SERPINA1: variants seen among roughly 807,000 people sequenced by gnomAD.
SERPINA1 encodes the protein alpha-1-antitrypsin.
In SERPINA1, 21 loss-of-function variants were observed where a neutral mutation model predicts 25.4. The ratio of observed to expected loss-of-function variants is 0.83; its 90% confidence interval spans 0.59 to 1.19. The LOEUF is 1.19. Among genes scored for constraint, SERPINA1 ranks in the 50% most tolerant of loss-of-function variants. The probability of loss-of-function intolerance (pLI) is 0.00; values close to 1 mark genes in which losing one functional copy is unlikely to be tolerated. For synonymous variants in SERPINA1, 218 were observed against 211.1 expected, an observed-to-expected ratio of 1.03 and a Z score of -0.29; for missense variants, 546 against 509.0, an observed-to-expected ratio of 1.07 and a Z score of -0.70.
intron 4 of SERPINA1, 88 bp from the exon 5 acceptor site, chr14:94,378,728 C>G (rs1034403745): frequency 6.8e-7 from 1 of 1,461,158 alleles, no homozygotes; most frequent in East Asian, 2.4e-5. Flanking sequence ...GAAGCGCTCA[C>G]TCCCCCTGGA....
rs147905225 is a variant in SERPINA1 at position 94,377,969 on chromosome 14, C to T, written c.*480G>A. On this transcript the variant is annotated 3_prime_UTR_variant, in exon 5 of 5. Coordinates refer to ENST00000393087, the MANE Select transcript of SERPINA1 (RefSeq NM_000295.5). ...CGGCACGATCAGGCAGTTCTGGGGC[C>T]CCCAGGAGGGCAGCCTTGGGGTGGG... The T allele has an allele frequency of 5.8e-4, 107 of 185,730 alleles. No homozygotes were observed. The highest frequency in any genetic ancestry group is 2.4e-3 in the African/African-American group (104 of 42,608). 11.5% of individuals were successfully genotyped at this position (185,730 alleles called of 1,614,324 possible). A position where few individuals can be genotyped will look rare whatever the true frequency, so the allele number is the denominator to read the frequency against.
intron 2 of SERPINA1, 33 bp downstream of exon 2, chr14:94,382,559 T>C: frequency 1.2e-6 from 2 of 1,614,140 alleles, no homozygotes. Flanking sequence ...CTTGTTTCTA[T>C]GGGAACAGCT....
Position 94,378,308 on chromosome 14 carries a change from C to T in SERPINA1, c.*141G>A. On this transcript the variant is annotated 3_prime_UTR_variant, in exon 5 of 5. Transcript: ENST00000393087. ...CTGTTACCTGGAGCCCACATACAGC[C>T]TCAGCAGGCAAAGGGAGACTCAGAG... 1.3e-6 allele frequency: 1 copy of T among 746,312 alleles called. No individual in the cohort carries two copies. Among genetic ancestry groups the T allele is most frequent in the South Asian group, 1.7e-5 (1 of 59,258 alleles). The allele number at this position is 746,312 out of a possible 1,614,324, so 46.2% of individuals were successfully genotyped here. A position where few individuals can be genotyped will look rare whatever the true frequency, so the allele number is the denominator to read the frequency against.
intron 4 of SERPINA1, chr14:94,379,233 G>C (rs1455885515): frequency 4.8e-6 from 3 of 623,740 alleles, no homozygotes; most frequent in African/African-American, 1.8e-5. Flanking sequence ...CAGGGTCAGT[G>C]ACACAACCTC....
chr14:94,383,277 C>T (rs1897093009), intron 1 of SERPINA1, 36 bp from the exon 2 acceptor site: 2 of 1,596,266 alleles, frequency 1.3e-6, no homozygotes, highest in Non-Finnish European at 1.7e-6. Context: ...GGCCCCGAGT[C>T]AAGGCACATG....
In SERPINA1 at chr14:94,378,276, G is replaced by C. The variant is rs1896506977; in HGVS notation, c.*173C>G. 1.6e-6 allele frequency: 1 copy of C among 644,866 alleles called. No individual in the cohort carries two copies. The highest frequency in any genetic ancestry group is 2.7e-5 in the East Asian group (1 of 37,012). 39.9% of individuals were successfully genotyped at this position (644,866 alleles called of 1,614,324 possible). A position where few individuals can be genotyped will look rare whatever the true frequency, so the allele number is the denominator to read the frequency against. On this transcript the variant is annotated 3_prime_UTR_variant, in exon 5 of 5. Coordinates refer to ENST00000393087, the MANE Select transcript of SERPINA1 (RefSeq NM_000295.5). The stretch of plus-strand genomic sequence containing the variant: ...ATGAACACAGTTCAGGGGGCCCGAA[G>C]ACAGCACTGTTACCTGGAGCCCACA...
At chr14:94,383,627 A>T (rs1403122044) in intron 1 of SERPINA1, 1 of 272,722 alleles carries the variant, frequency 3.7e-6, no homozygotes, top group Non-Finnish European at 7.0e-6. Flanking sequence ...CTGGACAGCA[A>T]CACTTACATC....
In SERPINA1 at chr14:94,383,255, A is replaced by G. The variant is rs1566759296; in HGVS notation, c.-4-14T>C. On this transcript the variant is annotated splice_polypyrimidine_tract_variant and intron_variant, in intron 1 of 4. Transcript: ENST00000393087. ...GACGGCATTGTCCTGCAAGACAGAGATGGGGGGGCCAGGCCCCGAGTCAAG... is the reference window on the plus strand; with the variant it reads ...GACGGCATTGTCCTGCAAGACAGAGGTGGGGGGGCCAGGCCCCGAGTCAAG... The G allele has an allele frequency of 3.1e-6, 5 of 1,606,636 alleles. No individual in the cohort carries two copies. The highest frequency in any genetic ancestry group is 4.2e-6 in the Non-Finnish European group (5 of 1,178,096).
At chr14:94,386,919 G>A (rs1249264891) in intron 1 of SERPINA1, among the ~76,000 whole-genome samples, 1 of 152,162 alleles carries the variant, frequency 6.6e-6, no homozygotes, top group South Asian at 2.1e-4. Context: ...CCTATAAGGT[G>A]CAAATTATTA....
intron 4 of SERPINA1, among the ~76,000 whole-genome samples, chr14:94,378,937 A>G (rs567347322): frequency 6.6e-6 from 1 of 152,340 alleles, no homozygotes; most frequent in African/African-American, 2.4e-5. Flanking sequence ...CCTTTCTAGT[A>G]CACGGCTTGA....
chr14:94,388,727 G>A (rs1897466957), upstream of SERPINA1: 1 of 152,342 alleles, frequency 6.6e-6, no homozygotes, highest in African/African-American at 2.4e-5. Flanking sequence ...AAGTCCACTG[G>A]CTGGGATCTG....
At chr14:94,378,690 G>C (rs575969211) in intron 4 of SERPINA1, 50 bp from the exon 5 acceptor site, 3 of 1,601,802 alleles carry the variant, frequency 1.9e-6, no homozygotes, top group Admixed American at 1.7e-5. Flanking sequence ...CCCAGGCCTC[G>C]AGCAAGGCTC....
At chr14:94,388,015 C>T (rs1039284943) in intron 1 of SERPINA1, among the ~76,000 whole-genome samples, 3 of 152,088 alleles carry the variant, frequency 2.0e-5, no homozygotes, top group African/African-American at 7.2e-5. Flanking sequence ...AGGCCTGGCA[C>T]AGGTCTGTTC....
Position 94,378,495 on chromosome 14 carries a change from T to C in SERPINA1, c.1211A>G (p.Lys404Arg), listed in dbSNP as rs754885222. ...CACTTTTCCCATGAAGAGGGGAGACTTGGTATTTTGTTCAATCATTAAGAA... is the reference window on the plus strand; with the variant it reads ...CACTTTTCCCATGAAGAGGGGAGACCTGGTATTTTGTTCAATCATTAAGAA... ...FVFLMIEQNTKSPLFMGKVVN... is the reference protein window; with the variant it reads ...FVFLMIEQNTRSPLFMGKVVN... Residue 404 changes from lysine (K) to arginine (R), a missense_variant, in exon 5 of 5, where the codon AAG (lysine) becomes AGG (arginine). By Grantham distance (26) the Lys-to-Arg change is conservative (BLOSUM62 2). Transcript: ENST00000393087. The C allele has an allele frequency of 1.1e-5, 18 of 1,614,026 alleles. No individual in the cohort carries two copies. The highest frequency in any genetic ancestry group is 1.4e-5 in the Non-Finnish European group (17 of 1,180,014).
At chr14:94,383,489 A>G in intron 1 of SERPINA1, 1 of 574,198 alleles carries the variant, frequency 1.7e-6, no homozygotes, top group South Asian at 2.2e-5. Context: ...CAATCCCGTG[A>G]GGTGCTAATG....
At position 94,378,143 on chromosome 14, in the gene SERPINA1, C is replaced by T; in HGVS notation, c.*306G>A. ...CCTTCTTGGGGACTCCAAGACAGGA[C>T]AAGGAAGACTGGAGCCCTCCAGAAA... On this transcript the variant is annotated 3_prime_UTR_variant, in exon 5 of 5. Transcript: ENST00000393087. 2.2e-6 allele frequency: 1 copy of T among 454,794 alleles called. No homozygotes were observed. Among genetic ancestry groups the T allele is most frequent in the Non-Finnish European group, 4.0e-6 (1 of 249,534 alleles). 28.2% of individuals were successfully genotyped at this position (454,794 alleles called of 1,614,324 possible).
At chr14:94,386,264 T>A (rs1397412313) in intron 1 of SERPINA1, among the ~76,000 whole-genome samples, 2 of 152,112 alleles carry the variant, frequency 1.3e-5, no homozygotes, top group East Asian at 1.9e-4. Context: ...ATGGTGACAT[T>A]TCTGGGATCG....
rs759598955 is a variant in SERPINA1, at chr14:94,383,230, G to T, written c.8C>A (p.Ser3Tyr). Residue 3 changes from serine (S) to tyrosine (Y), a missense_variant, in exon 2 of 5, where the codon TCT becomes TAT. Ser to Tyr is a moderately radical substitution (Grantham distance 144). Coordinates refer to ENST00000393087, the MANE Select transcript of SERPINA1 (RefSeq NM_000295.5). ...CAGGAGGATGCCCCACGAGACAGAA[G>T]ACGGCATTGTCCTGCAAGACAGAGA... MPSSVSWGILLLA... is the reference protein window; with the variant it reads MPYSVSWGILLLA... 6.2e-7 allele frequency: 1 copy of T among 1,611,996 alleles called. No individual in the cohort carries two copies. The highest frequency in any genetic ancestry group is 8.5e-7 in the Non-Finnish European group (1 of 1,179,894).
chr14:94,381,056 C>G lies in SERPINA1; in HGVS notation c.732G>C (p.Met244Ile). The G allele has an allele frequency of 6.2e-7, 1 of 1,614,058 alleles. No individual in the cohort carries two copies. The highest frequency in any genetic ancestry group is 1.1e-5 in the South Asian group (1 of 91,056). Residue 244 changes from methionine (M) to isoleucine (I), a missense_variant, in exon 3 of 5, where the codon ATG (methionine) becomes ATC (isoleucine). Transcript: ENST00000393087. Reference sequence around the variant, plus strand: ...TGTTAAACATGCCTAAACGCTTCATCATAGGCACCTTCACGGTGGTCACCT... The same window carrying G: ...TGTTAAACATGCCTAAACGCTTCATGATAGGCACCTTCACGGTGGTCACCT... ...VDQVTTVKVP[M>I]MKRLGMFNIQ...
Sources: gnomAD v4.1 joint callset for allele counts (sites outside exome capture counted in the v4.1 genomes callset) on GRCh38, gnomAD v4.1.1 for gene constraint, MANE v1.5 for transcripts, NCBI Gene and HGNC (gene_info 2026-07-23, HGNC 2026-07-21) for gene names.